Variants in CALD1 observed in about 807,000 individuals in gnomAD.
CALD1 encodes caldesmon 1, also known as caldesmon.
Under a neutral mutation model 99.9 loss-of-function variants are expected in CALD1, and 33 were observed. The ratio of observed to expected loss-of-function variants is 0.33; its 90% CI spans 0.25 to 0.44. The LOEUF (loss-of-function observed/expected upper bound fraction) is 0.44, where lower values mean the gene tolerates loss of function less well. CALD1 is among the 20% of genes least tolerant of loss of function. CALD1 has a pLI of 1.00. For missense variants in CALD1, 861 were observed against 962.1 expected (o/e 0.89, Z 1.39); for synonymous variants, 310 against 325.0 (o/e 0.95, Z 0.50).
chr7:134,771,911 CT>C (rs1209157909), intron 1 of CALD1, among the ~76,000 whole-genome samples: 1 of 152,008 alleles, frequency 6.6e-6, no homozygotes. Context: ...TTCCTTTACT[CT>C]TTTTTTAAAT....
chr7:134,841,571 T>G (rs1261023427), intron 1 of CALD1, among the ~76,000 whole-genome samples: 1 of 152,192 alleles, frequency 6.6e-6, no homozygotes, highest in African/African-American at 2.4e-5. Flanking sequence ...TGCAAGCCTG[T>G]AGAACACAGC....
chr7:134,847,866 T>C (rs1031771742), intron 2 of CALD1, among the ~76,000 whole-genome samples: 8 of 152,132 alleles, frequency 5.3e-5, no homozygotes, highest in African/African-American at 1.9e-4. Flanking sequence ...TAAGCGCAAG[T>C]GAGTACACAA....
chr7:134,898,844 T>C (rs549451034), intron 3 of CALD1, among the ~76,000 whole-genome samples: 223 of 152,324 alleles, frequency 1.5e-3, no homozygotes, highest in Non-Finnish European at 2.5e-3. Context: ...CGTGAGCCAC[T>C]GCGCCTGGCC....
chr7:134,821,600 TGAGA>T (rs1798779615), intron 1 of CALD1, among the ~76,000 whole-genome samples: 1 of 118,300 alleles, frequency 8.5e-6, no homozygotes. Flanking sequence ...TTTTTTTTTT[TGAGA>T]CAGAGTCTCG....
rs1402157972 is a variant in CALD1 at position 134,783,670 on chromosome 7, G to A, written c.-130+3921G>A. Among the ~76,000 whole-genome samples the A allele has an allele frequency of 6.6e-6, 1 of 152,096 alleles. No individual in the cohort carries two copies. Among genetic ancestry groups the A allele is most frequent in the African/African-American group, 2.4e-5 (1 of 41,410 alleles). On this transcript the variant is annotated intron_variant, in intron 1 of 14. Transcript: ENST00000361675. The surrounding 1 kb of genome is among the most constrained non-coding windows in gnomAD (Gnocchi z 4.3). The stretch of plus-strand genomic sequence containing the variant: ...AACCTTTGAGAATCTGATAAAAACT[G>A]TGAACCCTTAAGGTCCCTTTGTAAA...
At chr7:134,717,923 G>C in the CALD1 span, among the ~76,000 whole-genome samples, 1 of 152,108 alleles carries the variant, frequency 6.6e-6, no homozygotes, top group Non-Finnish European at 1.5e-5. Flanking sequence ...CTAAAACAAA[G>C]AGAAAATGCT....
At chr7:134,918,920 A>G (rs1023316501) in intron 3 of CALD1, among the ~76,000 whole-genome samples, 2 of 152,172 alleles carry the variant, frequency 1.3e-5, no homozygotes, top group African/African-American at 4.8e-5. Flanking sequence ...CACATGAATG[A>G]ACCCAGGAGG....
upstream of CALD1, among the ~76,000 whole-genome samples, chr7:134,739,499 T>A (rs1489266855): frequency 1.3e-5 from 2 of 152,242 alleles, no homozygotes; most frequent in African/African-American, 4.8e-5. Context: ...CTGGTTTTGC[T>A]GGGCATATAC....
chr7:134,738,948 T>C, the CALD1 span, among the ~76,000 whole-genome samples: 3,355 of 152,336 alleles, frequency 0.022, 122 homozygotes, highest in African/African-American at 0.072. Flanking sequence ...TTCTGAAGTT[T>C]TGAATTCTTA....
intron 1 of CALD1, among the ~76,000 whole-genome samples, chr7:134,789,812 CTAAA>C (rs1342893888): frequency 6.6e-6 from 1 of 152,152 alleles, no homozygotes; most frequent in Non-Finnish European, 1.5e-5. Context: ...TACAGACTTT[CTAAA>C]TAGATATTTC....
intron 3 of CALD1, among the ~76,000 whole-genome samples, chr7:134,872,066 T>G (rs1477989727): frequency 6.6e-6 from 1 of 152,188 alleles, no homozygotes; most frequent in East Asian, 1.9e-4. Flanking sequence ...GCAAACGTAG[T>G]GCATCAAAAA....
At chr7:134,785,690 T>C (rs1797277970) in intron 1 of CALD1, among the ~76,000 whole-genome samples, 1 of 152,212 alleles carries the variant, frequency 6.6e-6, no homozygotes, top group Admixed American at 6.6e-5. Flanking sequence ...TGGATACATA[T>C]GCATTCTAGG....
intron 5 of CALD1, among the ~76,000 whole-genome samples, chr7:134,934,510 T>A (rs1410565744): frequency 6.6e-6 from 1 of 152,112 alleles, no homozygotes; most frequent in East Asian, 1.9e-4. Context: ...ACTCATGGGT[T>A]TGACGTTGAA....
At chr7:134,828,992 C>A (rs1799116062) in intron 1 of CALD1, among the ~76,000 whole-genome samples, 1 of 152,148 alleles carries the variant, frequency 6.6e-6, no homozygotes, top group South Asian at 2.1e-4. Context: ...AAGCTCCCCC[C>A]CCATCTTATC....
chr7:134,784,919 T>G (rs772885436), intron 1 of CALD1, among the ~76,000 whole-genome samples: 2 of 152,162 alleles, frequency 1.3e-5, no homozygotes, highest in Non-Finnish European at 2.9e-5. Flanking sequence ...GGTCCAGTCC[T>G]GAGAGAGGAG....
At chr7:134,930,982 A>T (rs1298022293) in intron 4 of CALD1, among the ~76,000 whole-genome samples, 1 of 152,174 alleles carries the variant, frequency 6.6e-6, no homozygotes, top group African/African-American at 2.4e-5. Context: ...AGCTTTAAAA[A>T]TTACTGGTGA....
At chr7:134,880,669 A>G (rs1801557644) in intron 3 of CALD1, among the ~76,000 whole-genome samples, 1 of 151,906 alleles carries the variant, frequency 6.6e-6, no homozygotes, top group African/African-American at 2.4e-5. Flanking sequence ...TTCCCTCACT[A>G]TTTGTCCTTT....
At position 134,932,951 on chromosome 7, in the gene CALD1, G is replaced by T. The variant is rs750335210; in HGVS notation, c.219-37G>T. On this transcript the variant is annotated intron_variant, in intron 4 of 14. Coordinates refer to ENST00000361675, the MANE Select transcript of CALD1 (RefSeq NM_033138.4). ...ATGAATGCTGCTGACTGATGAATGA[G>T]CAAGCTGTCTTTGGTGTTGTTCTTT... 5 of 1,425,830 alleles carry T rather than the reference G, an allele frequency of 3.5e-6. No homozygotes were observed. In the South Asian group the frequency reaches 6.4e-5, roughly 18 times the overall value. 88.3% of individuals were successfully genotyped at this position (1,425,830 alleles called of 1,614,324 possible).
chr7:134,931,272 G>T (rs1369773580), intron 4 of CALD1, among the ~76,000 whole-genome samples: 1 of 152,092 alleles, frequency 6.6e-6, no homozygotes, highest in Non-Finnish European at 1.5e-5. Flanking sequence ...AATACAGTTT[G>T]TTGGTTTCTT....
Sources: allele counts gnomAD v4.1 joint callset (sites outside exome capture counted in the v4.1 genomes callset), GRCh38; gene constraint gnomAD v4.1.1; non-coding constraint Gnocchi (gnomAD v3.1); transcripts MANE v1.5; gene names NCBI Gene and HGNC (gene_info 2026-07-23, HGNC 2026-07-21).